SLC39A6: variants seen among roughly 807,000 people sequenced by gnomAD.
SLC39A6 encodes the protein zinc transporter ZIP6.
In SLC39A6, 51 loss-of-function variants were observed where a neutral mutation model predicts 63.5. The observed-to-expected ratio is 0.80, with a 90% CI of 0.64 to 1.01. The LOEUF (loss-of-function observed/expected upper bound fraction) is 1.01. SLC39A6 is among the 50% of genes least tolerant of loss of function. SLC39A6 has a pLI of 0.00. For missense variants in SLC39A6, 805 were observed against 927.8 expected (o/e 0.87, Z 1.72); for synonymous variants, 318 against 324.7 (o/e 0.98, Z 0.22).
chr18:36,113,392 C>T lies in SLC39A6; in HGVS notation c.1843+705G>A, dbSNP rs1264548938. On this transcript the variant is annotated intron_variant, in intron 7 of 9. Coordinates refer to ENST00000269187, the MANE Select transcript of SLC39A6 (RefSeq NM_012319.4). The stretch of plus-strand genomic sequence containing the variant: ...GGGAATACAGACATGAGCTACCGCA[C>T]CCAGCCGACTGTGCAATCGGACATT... 2.0e-5 allele frequency among the ~76,000 whole-genome samples: 3 copies of T among 152,130 alleles called. No individual in the cohort carries two copies. In the East Asian group the frequency reaches 5.8e-4, roughly 29 times the overall value.
intron 4 of SLC39A6, among the ~76,000 whole-genome samples, chr18:36,123,004 T>A (rs1360706359): frequency 6.6e-6 from 1 of 152,254 alleles, no homozygotes; most frequent in African/African-American, 2.4e-5. Context: ...ACGCATATTT[T>A]TTAACTGAGC....
At chr18:36,119,867 A>T (rs1406179560) in intron 5 of SLC39A6, among the ~76,000 whole-genome samples, 1 of 152,082 alleles carries the variant, frequency 6.6e-6, no homozygotes, top group African/African-American at 2.4e-5. Context: ...GCAACAGAGG[A>T]AGATGCTGTC....
intron 8 of SLC39A6, among the ~76,000 whole-genome samples, chr18:36,111,920 G>A (rs1244909128): frequency 6.6e-6 from 1 of 152,188 alleles, no homozygotes; most frequent in African/African-American, 2.4e-5. Context: ...AATGGGTGGA[G>A]AACACACATG....
chr18:36,114,030 T>G, intron 7 of SLC39A6, 67 bp downstream of exon 7: 1 of 1,506,978 alleles, frequency 6.6e-7, no homozygotes, highest in Non-Finnish European at 8.9e-7. Flanking sequence ...TTTGTTAAAA[T>G]TTGACTAGGT....
chr18:36,124,733 A>C, intron 2 of SLC39A6, 33 bp from the exon 3 acceptor site: 1 of 1,485,070 alleles, frequency 6.7e-7, no homozygotes, highest in East Asian at 2.3e-5. Flanking sequence ...AATCACCAAA[A>C]GCCATCCCCA....
chr18:36,121,771 T>C (rs1239962222), intron 5 of SLC39A6, among the ~76,000 whole-genome samples: 1 of 152,228 alleles, frequency 6.6e-6, no homozygotes, highest in Non-Finnish European at 1.5e-5. Context: ...TTCAAGGCCC[T>C]GCTGGTACCT....
At chr18:36,116,886 T>C in intron 5 of SLC39A6, 107 bp from the exon 6 acceptor site, 2 of 703,600 alleles carry the variant, frequency 2.8e-6, no homozygotes, top group Non-Finnish European at 4.8e-6. Flanking sequence ...CCCACAGTCA[T>C]CTACTCTTAA....
In SLC39A6 at chr18:36,112,526, G is replaced by C; in HGVS notation, c.1899C>G (p.Phe633Leu). Residue 633 changes from phenylalanine to leucine, a missense_variant, in exon 8 of 10, where the codon TTC becomes TTG. Phe to Leu is a conservative substitution (Grantham distance 22, BLOSUM62 0). Transcript: ENST00000269187. ...CTAATTCATGAGGCAACTCATGACA[G>C]AACACAGCAACAGAAGTACTTAAAC... is the stretch of plus-strand genomic sequence containing the variant. ...SSGLSTSVAV[F>L]CHELPHELGD... is the part of the protein sequence containing the mutation. The C allele has an allele frequency of 1.2e-6, 2 of 1,613,394 alleles. No homozygotes were observed. The highest frequency in any genetic ancestry group is 1.7e-6 in the Non-Finnish European group (2 of 1,179,538).
chr18:36,115,820 C>T (rs1338973413), intron 6 of SLC39A6, among the ~76,000 whole-genome samples: 8 of 151,982 alleles, frequency 5.3e-5, no homozygotes, highest in East Asian at 3.9e-4. Context: ...TCAGTCTGTC[C>T]GACAAGATAT....
rs150693972 is a variant in SLC39A6 at position 36,122,079 on chromosome 18, G to T, written c.1332C>A (p.Ile444=). The T allele has an allele frequency of 4.8e-5, 78 of 1,612,734 alleles. No homozygotes were observed. The Admixed American group carries it at 1.2e-3, about 26-fold the overall frequency. The change falls in exon 5 of 10, where the codon ATC becomes ATA. Residue 444 remains isoleucine (I), a synonymous_variant. Coordinates refer to ENST00000269187, the MANE Select transcript of SLC39A6 (RefSeq NM_012319.4). ...TTTTCTTCTTATCTTTAAATTGTTT[G>T]ATCAATGTGAGGACATGTTCAACAA... is the stretch of plus-strand genomic sequence containing the variant. The part of the protein sequence containing the change: ...MFLVEHVLTL[I]KQFKDKKKKN...
In SLC39A6 at chr18:36,119,009, C is replaced by T. The variant is rs554021987; in HGVS notation, c.1360-2230G>A. 2.0e-5 allele frequency among the ~76,000 whole-genome samples: 3 copies of T among 152,248 alleles called. No individual in the cohort carries two copies. The South Asian group carries it at 6.2e-4, about 32-fold the overall frequency. ...CTCTAGTTTTCGGCATGAACAATAA[C>T]CTTCACTAGCAGAAGGTGAACCTTA... On this transcript the variant is annotated intron_variant, in intron 5 of 9. Coordinates refer to ENST00000269187, the MANE Select transcript of SLC39A6 (RefSeq NM_012319.4).
At chr18:36,127,131 G>T in intron 1 of SLC39A6, 115 bp from the exon 2 acceptor site, 2 of 912,044 alleles carry the variant, frequency 2.2e-6, no homozygotes, top group Non-Finnish European at 1.6e-6. Context: ...AGAGCATCAT[G>T]TGGTGTGACC....
At position 36,126,531 on chromosome 18, in the gene SLC39A6, T is replaced by C; in HGVS notation, c.477A>G (p.Arg159=). The C allele has an allele frequency of 6.2e-7, 1 of 1,614,256 alleles. No individual in the cohort carries two copies. The highest frequency in any genetic ancestry group is 8.5e-7 in the Non-Finnish European group (1 of 1,180,038). ...GGTGAGCTCCTTTCCCCTGGCTGTT[T>C]CTAGGATCTTTACCTGAACTATCTG... ...HDSDSSGKDP[R]NSQGKGAHRP... The change falls in exon 2 of 10, where the codon AGA becomes AGG. Residue 159 remains arginine (R), a synonymous_variant. Coordinates refer to ENST00000269187, the MANE Select transcript of SLC39A6 (RefSeq NM_012319.4).
intron 4 of SLC39A6, among the ~76,000 whole-genome samples, chr18:36,123,291 G>C (rs981098004): frequency 1.2e-4 from 18 of 152,178 alleles, no homozygotes; most frequent in Admixed American, 2.6e-4. Context: ...AAATTAGTCT[G>C]TGTTTTGTAA....
chr18:36,129,254 G>A lies in SLC39A6; in HGVS notation c.-150C>T, dbSNP rs7242481. ...CGCGAACACGCGGTGGTTTCATTGG[G>A]TTGGCTGCCCCTCGGTCCGGGGGCA... is the stretch of plus-strand genomic sequence containing the variant. On this transcript the variant is annotated 5_prime_UTR_variant, in exon 1 of 10. Coordinates refer to ENST00000269187, the MANE Select transcript of SLC39A6 (RefSeq NM_012319.4). The A allele has an allele frequency of 0.34, 53,228 of 155,164 alleles. 9,234 individuals are homozygous for A. The highest frequency in any genetic ancestry group is 0.44 in the Middle Eastern group (129 of 296). 9.6% of individuals were successfully genotyped at this position (155,164 alleles called of 1,614,324 possible). A position where few individuals can be genotyped will look rare whatever the true frequency, so the allele number is the denominator to read the frequency against.
intron 6 of SLC39A6, 46 bp downstream of exon 6, chr18:36,116,628 A>G (rs565090537): frequency 7.7e-7 from 1 of 1,293,408 alleles, no homozygotes; most frequent in South Asian, 1.2e-5. Flanking sequence ...CAAATCATAC[A>G]GCAATGAACT....
intron 6 of SLC39A6, among the ~76,000 whole-genome samples, chr18:36,116,140 T>C (rs1409307869): frequency 6.6e-6 from 1 of 152,190 alleles, no homozygotes; most frequent in Non-Finnish European, 1.5e-5. Flanking sequence ...TATTAAGGCA[T>C]TTGGAAGAAT....
Position 36,126,350 on chromosome 18 carries a change from T to C in SLC39A6, c.658A>G (p.Ser220Gly), listed in dbSNP as rs1215977423. The change falls in exon 2 of 10, where the codon AGC (serine) becomes GGC (glycine). Residue 220 changes from serine to glycine, a missense_variant. Physicochemically the swap from Ser to Gly is moderately conservative, Grantham distance 56. Transcript: ENST00000269187. ...GATGTGACACTGGGTGGAGTGGAGC[T>C]GCTTACATCTTTGGGGAAGAGTTTT... ...PGKLFPKDVS[S>G]STPPSVTSKS... is the part of the protein sequence containing the mutation. 1 of 1,614,276 alleles carries C rather than the reference T, an allele frequency of 6.2e-7. No homozygotes were observed. Among genetic ancestry groups the C allele is most frequent in the South Asian group, 1.1e-5 (1 of 91,090 alleles).
chr18:36,124,639 G>T lies in SLC39A6; in HGVS notation c.851C>A (p.Ala284Glu), dbSNP rs1387842137. ...TGGACAGAGATAGTTGAACTCTGTT[G>T]CATTCAGCGGAACCTGGATGCCCAT... ...HGMGIQVPLNATEFNYLCPAI... is the reference protein window; with the variant it reads ...HGMGIQVPLNETEFNYLCPAI... Residue 284 changes from alanine (A) to glutamate (E), a missense_variant, in exon 3 of 10, where the codon GCA (alanine) becomes GAA (glutamate). Around this residue, in one of 4 missense-constraint regions of SLC39A6, gnomAD observed 639 missense variants for 644.0 expected, o/e 0.99. Coordinates refer to ENST00000269187, the MANE Select transcript of SLC39A6 (RefSeq NM_012319.4). 6.3e-7 allele frequency: 1 copy of T among 1,587,952 alleles called. No homozygotes were observed. The highest frequency in any genetic ancestry group is 2.3e-5 in the East Asian group (1 of 44,386).
Sources: allele counts gnomAD v4.1 joint callset (sites outside exome capture counted in the v4.1 genomes callset), GRCh38; gene constraint gnomAD v4.1.1; regional missense constraint gnomAD v4.1.1; transcripts MANE v1.5; gene names NCBI Gene and HGNC (gene_info 2026-07-23, HGNC 2026-07-21).